PTPRD: variants seen among roughly 807,000 people sequenced by gnomAD.
PTPRD encodes protein tyrosine phosphatase receptor type D.
In PTPRD, 34 loss-of-function variants were observed where a neutral mutation model predicts 214.5. The ratio of observed to expected loss-of-function variants is 0.16; its 90% CI spans 0.12 to 0.21. PTPRD has a LOEUF of 0.21. Among genes scored for constraint, PTPRD ranks in the 10% least tolerant of loss-of-function variants. The pLI, the probability that PTPRD is intolerant of heterozygous loss-of-function variation, is 1.00. For synonymous variants in PTPRD, 1,128 were observed against 845.7 expected, an observed-to-expected ratio of 1.33 and a Z score of -5.79; for missense variants, 2,545 against 2,398.7, an observed-to-expected ratio of 1.06 and a Z score of -1.27.
chr9:8,411,046 C>T lies in PTPRD; in HGVS notation c.4087-6386G>A, dbSNP rs541955494. Among the ~76,000 whole-genome samples the T allele has an allele frequency of 1.6e-3, 236 of 152,000 alleles. 1 individual carries two copies. The highest frequency in any genetic ancestry group is 1.7e-3 in the Non-Finnish European group (114 of 67,964). On this transcript the variant is annotated intron_variant, in intron 35 of 45. Transcript: ENST00000381196. ...GTATATTAGAATTATCTTAATCTAA[C>T]GTGGATTAAAAATGATGAAAAACAA...
At chr9:8,583,750 A>G (rs1012111453) in intron 14 of PTPRD, among the ~76,000 whole-genome samples, 1 of 152,218 alleles carries the variant, frequency 6.6e-6, no homozygotes, top group African/African-American at 2.4e-5. Context: ...GTAGACTTCA[A>G]CTGCAATGTT....
At chr9:9,784,782 GAT>G (rs573225231) in intron 5 of PTPRD, among the ~76,000 whole-genome samples, 166 of 150,414 alleles carry the variant, frequency 1.1e-3, no homozygotes, top group African/African-American at 3.4e-3. Context: ...TGTATATATA[GAT>G]ATATATATGT....
At chr9:9,716,892 T>C (rs2097845547) in intron 7 of PTPRD, among the ~76,000 whole-genome samples, 1 of 152,142 alleles carries the variant, frequency 6.6e-6, no homozygotes, top group Middle Eastern at 3.2e-3. Flanking sequence ...TTGTTGCCAT[T>C]GCTTTTGGTG....
chr9:8,386,758 A>T (rs921540693), intron 37 of PTPRD, among the ~76,000 whole-genome samples: 3 of 152,202 alleles, frequency 2.0e-5, no homozygotes, highest in African/African-American at 7.2e-5. Context: ...AGCCAATTCC[A>T]GCTCTTGTTT....
At chr9:9,617,819 T>G (rs924669132) in intron 7 of PTPRD, among the ~76,000 whole-genome samples, 1 of 151,794 alleles carries the variant, frequency 6.6e-6, no homozygotes, top group Non-Finnish European at 1.5e-5. Context: ...ATGTCTGTAA[T>G]CCCAGCACTT....
chr9:9,055,791 T>C (rs1034393324), intron 10 of PTPRD, among the ~76,000 whole-genome samples: 7 of 149,732 alleles, frequency 4.7e-5, no homozygotes, highest in African/African-American at 1.7e-4. Context: ...TCTATTAATA[T>C]ATTTTATATT....
intron 11 of PTPRD, among the ~76,000 whole-genome samples, chr9:8,805,719 G>T (rs1264192484): frequency 6.6e-6 from 1 of 151,310 alleles, no homozygotes; most frequent in Non-Finnish European, 1.5e-5. Flanking sequence ...TCTCCTGCTG[G>T]GCACGGTGGG....
chr9:8,707,159 T>C (rs1273971785), intron 12 of PTPRD, among the ~76,000 whole-genome samples: 1 of 152,216 alleles, frequency 6.6e-6, no homozygotes, highest in Non-Finnish European at 1.5e-5. Context: ...ACTCTATGTC[T>C]TTGTTGCAGC....
intron 8 of PTPRD, among the ~76,000 whole-genome samples, chr9:9,428,842 T>C (rs984786465): frequency 6.6e-6 from 1 of 152,176 alleles, no homozygotes; most frequent in Non-Finnish European, 1.5e-5. Context: ...ATAAAGATGT[T>C]CTTTGAAACC....
chr9:9,602,253 G>A (rs981516907), intron 7 of PTPRD, among the ~76,000 whole-genome samples: 7 of 151,922 alleles, frequency 4.6e-5, no homozygotes, highest in African/African-American at 1.7e-4. Flanking sequence ...AAATATACAT[G>A]ATAAAATGCA....
chr9:9,064,386 T>C (rs940208854), intron 10 of PTPRD, among the ~76,000 whole-genome samples: 4 of 152,156 alleles, frequency 2.6e-5, no homozygotes, highest in Admixed American at 6.5e-5. Flanking sequence ...TCTATAGTTA[T>C]ATTTTATGTA....
intron 44 of PTPRD, among the ~76,000 whole-genome samples, chr9:8,321,405 G>C (rs10119577): frequency 0.057 from 8,256 of 145,110 alleles, 764 homozygotes; most frequent in African/African-American, 0.2. Context: ...TTATAAATAA[G>C]AAAAGTGGTA....
chr9:9,260,553 C>G (rs2099979664), intron 9 of PTPRD, among the ~76,000 whole-genome samples: 1 of 151,766 alleles, frequency 6.6e-6, no homozygotes, highest in African/African-American at 2.4e-5. Context: ...TTTTCATTCC[C>G]TCTCAATTTT....
chr9:9,058,442 G>GTTTTTTGTTT (rs2099700396), intron 10 of PTPRD, among the ~76,000 whole-genome samples: 3 of 69,900 alleles, frequency 4.3e-5, no homozygotes, highest in Non-Finnish European at 2.6e-5. Flanking sequence ...TATTATGAGG[G>GTTTTTTGTTT]TTTTTTTTTT....
intron 4 of PTPRD, among the ~76,000 whole-genome samples, chr9:9,939,001 T>C (rs903884685): frequency 6.8e-5 from 9 of 133,284 alleles, no homozygotes; most frequent in African/African-American, 2.5e-4. Flanking sequence ...AAATAATTCA[T>C]TTTCTGAATT....
At chr9:10,476,968 C>G (rs80007292) in intron 2 of PTPRD, among the ~76,000 whole-genome samples, 2 of 151,926 alleles carry the variant, frequency 1.3e-5, no homozygotes, top group South Asian at 2.1e-4. Flanking sequence ...CTTACTTAGA[C>G]GTTATAGAAA....
At chr9:9,341,243 T>A (rs142123839) in intron 9 of PTPRD, among the ~76,000 whole-genome samples, 12 of 152,234 alleles carry the variant, frequency 7.9e-5, no homozygotes, top group African/African-American at 2.6e-4. Flanking sequence ...TTTCAGCTGC[T>A]CTATTTAACC....
intron 8 of PTPRD, among the ~76,000 whole-genome samples, chr9:9,465,774 A>G (rs1203218276): frequency 6.6e-6 from 1 of 152,086 alleles, no homozygotes; most frequent in South Asian, 2.1e-4. Flanking sequence ...GTATTGTTAC[A>G]TCTATGTCAG....
intron 12 of PTPRD, among the ~76,000 whole-genome samples, chr9:8,681,589 G>C (rs1268404749): frequency 3.9e-5 from 6 of 152,112 alleles, no homozygotes; most frequent in African/African-American, 1.2e-4. Context: ...AGACTGCTTA[G>C]GAGAAGCTTC....
Sources: gnomAD v4.1 joint callset for allele counts (sites outside exome capture counted in the v4.1 genomes callset) on GRCh38, gnomAD v4.1.1 for gene constraint, MANE v1.5 for transcripts, NCBI Gene and HGNC (gene_info 2026-07-23, HGNC 2026-07-21) for gene names.